The following AIDA variants were observed in gnomAD, a reference collection of about 807,000 sequenced individuals.
AIDA encodes axin interactor, dorsalization associated, also known as axin interactor, dorsalization-associated protein.
A neutral mutation model predicts 42.7 loss-of-function variants in AIDA; 18 were observed. The observed-to-expected ratio is 0.42, with a 90% CI of 0.29 to 0.63. AIDA has a LOEUF of 0.63. Ranked by LOEUF, AIDA falls within the 20% of genes least tolerant of loss-of-function variation. The pLI, the probability that AIDA is intolerant of heterozygous loss-of-function variation, is 0.19. For synonymous variants in AIDA, 104 were observed against 122.9 expected (o/e 0.85, Z 1.02); for missense variants, 250 against 354.1 (o/e 0.71, Z 2.36).
At chr1:222,689,501 A>G (rs1449745761) in intron 4 of AIDA, among the ~76,000 whole-genome samples, 29 of 70,744 alleles carry the variant, frequency 4.1e-4, no homozygotes, top group African/African-American at 1.1e-3. Flanking sequence ...ATATATATAT[A>G]TATATATATA....
chr1:222,682,821 A>T (rs1664676867), intron 6 of AIDA, among the ~76,000 whole-genome samples: 1 of 152,190 alleles, frequency 6.6e-6, no homozygotes, highest in Non-Finnish European at 1.5e-5. Flanking sequence ...ATACTGCTCA[A>T]ACTGGCTACA....
chr1:222,700,973 G>T lies in AIDA; in HGVS notation c.180+2175C>A, dbSNP rs896428058. Among the ~76,000 whole-genome samples, 71 of 127,350 alleles carry T rather than the reference G, an allele frequency of 5.6e-4. 3 individuals carry two copies. The highest frequency in any genetic ancestry group is 2.0e-3 in the East Asian group (8 of 3,918). 83.5% of individuals were successfully genotyped at this position (127,350 alleles called of 152,430 possible). On this transcript the variant is annotated intron_variant, in intron 2 of 9. Coordinates refer to ENST00000340020, the MANE Select transcript of AIDA (RefSeq NM_022831.4). Reference sequence around the variant, plus strand: ...TAGACTCATTTCTTGATTTTTTTTGGGGGGGGGGGGACAGGGTCTCACTGT... The same window carrying T: ...TAGACTCATTTCTTGATTTTTTTTGTGGGGGGGGGGACAGGGTCTCACTGT...
At chr1:222,671,828 CAG>C (rs1379231552) in intron 8 of AIDA, among the ~76,000 whole-genome samples, 6 of 152,210 alleles carry the variant, frequency 3.9e-5, no homozygotes, top group African/African-American at 1.2e-4. Flanking sequence ...TTAAAGACAG[CAG>C]AGTCTTTTCT....
chr1:222,698,178 T>C (rs975846965), intron 2 of AIDA, among the ~76,000 whole-genome samples: 1 of 152,184 alleles, frequency 6.6e-6, no homozygotes, highest in Non-Finnish European at 1.5e-5. Flanking sequence ...ATAAGTATCA[T>C]GAACTTTATT....
intron 4 of AIDA, among the ~76,000 whole-genome samples, chr1:222,689,141 G>T (rs1655276971): frequency 6.6e-6 from 1 of 151,688 alleles, no homozygotes; most frequent in Admixed American, 6.6e-5. Context: ...AGGACATAAA[G>T]AAAAAATATT....
intron 1 of AIDA, among the ~76,000 whole-genome samples, chr1:222,709,768 T>A (rs1181749565): frequency 6.6e-6 from 1 of 152,234 alleles, no homozygotes; most frequent in Non-Finnish European, 1.5e-5. Flanking sequence ...CATACTTCCG[T>A]AATTGCAACA....
intron 6 of AIDA, among the ~76,000 whole-genome samples, chr1:222,680,711 A>G (rs1664638019): frequency 6.6e-6 from 1 of 152,216 alleles, no homozygotes. Flanking sequence ...ACAACCATTG[A>G]TAAGTAAAGA....
At chr1:222,671,695 A>G (rs572441075) in intron 8 of AIDA, among the ~76,000 whole-genome samples, 1 of 152,190 alleles carries the variant, frequency 6.6e-6, no homozygotes, top group Non-Finnish European at 1.5e-5. Context: ...AAGGATTACA[A>G]TAGTTAGGTT....
At chr1:222,686,768 A>G (rs1655202414) in intron 6 of AIDA, among the ~76,000 whole-genome samples, 162 bp downstream of exon 6, 1 of 152,208 alleles carries the variant, frequency 6.6e-6, no homozygotes, top group African/African-American at 2.4e-5. Context: ...AGATAACTTC[A>G]CACCATACTT....
chr1:222,691,950 T>G (rs1211040370), intron 4 of AIDA, among the ~76,000 whole-genome samples: 1 of 152,228 alleles, frequency 6.6e-6, no homozygotes, highest in Non-Finnish European at 1.5e-5. Flanking sequence ...AAATGTTTGT[T>G]CTGGCATAAT....
rs992463116 is a variant in AIDA at position 222,693,812 on chromosome 1, T to C, written c.266A>G (p.Glu89Gly). ...ACTTGGTTCTAGCTTCTTCAGGTCC[T>C]CCAGTTTAAATTCTTCTTGAGACTG... ...STQSQEEFKL[E>G]DLKKLEPILK... The change falls in exon 4 of 10, where the codon GAG (glutamate) becomes GGG (glycine). Residue 89 changes from glutamate to glycine, a missense_variant. By Grantham distance (98) the Glu-to-Gly change is moderately conservative. This residue lies in a region of AIDA where 199 missense variants were observed against 232.6 expected (regional missense o/e 0.86). Transcript: ENST00000340020. The C allele has an allele frequency of 6.2e-7, 1 of 1,610,418 alleles. No individual in the cohort carries two copies. The highest frequency in any genetic ancestry group is 8.5e-7 in the Non-Finnish European group (1 of 1,177,478).
intron 1 of AIDA, among the ~76,000 whole-genome samples, chr1:222,709,727 T>C (rs1655943170): frequency 6.6e-6 from 1 of 152,092 alleles, no homozygotes; most frequent in Admixed American, 6.5e-5. Flanking sequence ...TTCCAGGAAA[T>C]AGCAAGGAAT....
Position 222,670,003 on chromosome 1 carries a change from A to C in AIDA, c.825-14T>G. On this transcript the variant is annotated splice_polypyrimidine_tract_variant and intron_variant, in intron 9 of 9. Coordinates refer to ENST00000340020, the MANE Select transcript of AIDA (RefSeq NM_022831.4). ...GGTTTCTTGTATCTGTAATCACAAC[A>C]GAAAGACCATTGTTTAAAATACATT... 1 of 1,613,892 alleles carries C rather than the reference A, an allele frequency of 6.2e-7. No individual in the cohort carries two copies. The highest frequency in any genetic ancestry group is 8.5e-7 in the Non-Finnish European group (1 of 1,179,946).
At chr1:222,676,012 C>T (rs1233455850) in intron 7 of AIDA, 84 bp downstream of exon 7, 2 of 1,437,324 alleles carry the variant, frequency 1.4e-6, no homozygotes, top group East Asian at 5.1e-5. Flanking sequence ...ACTCCCCGCC[C>T]CACCACCAAA....
At chr1:222,705,963 G>T (rs1655827833) in intron 1 of AIDA, among the ~76,000 whole-genome samples, 1 of 151,928 alleles carries the variant, frequency 6.6e-6, no homozygotes, top group Non-Finnish European at 1.5e-5. Context: ...AATATATAAA[G>T]ATCACTTAGA....
At chr1:222,702,988 T>A (rs1017958876) in intron 2 of AIDA, among the ~76,000 whole-genome samples, 160 bp downstream of exon 2, 1 of 152,254 alleles carries the variant, frequency 6.6e-6, no homozygotes, top group Non-Finnish European at 1.5e-5. Flanking sequence ...CTCTAAATAA[T>A]CACTTAATGT....
intron 2 of AIDA, among the ~76,000 whole-genome samples, chr1:222,698,831 G>T (rs1414269929): frequency 6.6e-6 from 1 of 151,882 alleles, no homozygotes; most frequent in Non-Finnish European, 1.5e-5. Flanking sequence ...TATGTTTTGT[G>T]TTTGTTTGTT....
intron 2 of AIDA, among the ~76,000 whole-genome samples, chr1:222,702,295 C>A (rs533018120): frequency 1.3e-3 from 191 of 152,232 alleles, no homozygotes; most frequent in African/African-American, 4.1e-3. Context: ...TTTGTACATT[C>A]CCTTTGTAAA....
In AIDA at chr1:222,694,275, T is replaced by TA. The variant is rs1016911265; in HGVS notation, c.181-13dup. On this transcript the variant is annotated splice_polypyrimidine_tract_variant and intron_variant, in intron 2 of 9. Coordinates refer to ENST00000340020, the MANE Select transcript of AIDA (RefSeq NM_022831.4). ...TTGCCTATGGTTTTCTGCAGGGGAA[T>TA]AAAAAAAGCTATAAATACCAGAATT... 3.7e-6 allele frequency: 6 copies of TA among 1,605,812 alleles called. No homozygotes were observed. In the East Asian group the frequency reaches 6.7e-5, roughly 18 times the overall value.
Sources: allele counts gnomAD v4.1 joint callset (sites outside exome capture counted in the v4.1 genomes callset), GRCh38; gene constraint gnomAD v4.1.1; regional missense constraint gnomAD v4.1.1; transcripts MANE v1.5; gene names NCBI Gene and HGNC (gene_info 2026-07-23, HGNC 2026-07-21).